The following MLIP variants were observed in gnomAD, a reference collection of about 807,000 sequenced individuals.
The protein encoded by MLIP is muscular LMNA-interacting protein.
MLIP carries 79 observed loss-of-function variants against 84.8 expected under a neutral mutation model. The observed-to-expected ratio is 0.93, with a 90% confidence interval of 0.78 to 1.12. The LOEUF is 1.12. Among genes scored for constraint, MLIP ranks in the 50% most tolerant of loss-of-function variants. The pLI is 0.00. For missense variants in MLIP, 1,257 were observed against 1,160.6 expected (o/e 1.08, Z -1.21); for synonymous variants, 504 against 463.0 (o/e 1.09, Z -1.14).
chr6:54,251,865 A>G (rs1210166852), intron 12 of MLIP, among the ~76,000 whole-genome samples: 36 of 84,564 alleles, frequency 4.3e-4, no homozygotes, highest in Non-Finnish European at 5.7e-4. Flanking sequence ...ATATAAATAT[A>G]TATTATAACA....
intron 9 of MLIP, among the ~76,000 whole-genome samples, chr6:54,170,470 T>G (rs1288011264): frequency 6.6e-6 from 1 of 151,624 alleles, no homozygotes; most frequent in African/African-American, 2.4e-5. Flanking sequence ...TTAGAGGATG[T>G]GGGTAGGAAC....
chr6:54,044,160 G>A (rs1250472009), intron 1 of MLIP, among the ~76,000 whole-genome samples: 1 of 152,122 alleles, frequency 6.6e-6, no homozygotes, highest in East Asian at 1.9e-4. Flanking sequence ...GTAAACAGTC[G>A]GGTCATCTAA....
intron 4 of MLIP, among the ~76,000 whole-genome samples, chr6:54,139,583 C>T (rs1772116618): frequency 6.6e-6 from 1 of 152,072 alleles, no homozygotes; most frequent in Non-Finnish European, 1.5e-5. Context: ...AGGAACTATG[C>T]TAGTATACAA....
chr6:54,124,901 A>G (rs1430078674), intron 3 of MLIP, 36 bp downstream of exon 3: 1 of 1,522,140 alleles, frequency 6.6e-7, no homozygotes, highest in Non-Finnish European at 8.8e-7. Context: ...TAAGGAAAAA[A>G]AAAGCGTTTA....
intron 1 of MLIP, among the ~76,000 whole-genome samples, chr6:54,042,737 T>C (rs1378110112): frequency 1.3e-5 from 2 of 152,114 alleles, no homozygotes; most frequent in Non-Finnish European, 2.9e-5. Flanking sequence ...ACCTAATCTC[T>C]CCCTCAGTTT....
intron 11 of MLIP, among the ~76,000 whole-genome samples, chr6:54,223,832 G>T (rs1780388679): frequency 6.6e-6 from 1 of 151,818 alleles, no homozygotes; most frequent in Non-Finnish European, 1.5e-5. Flanking sequence ...CGAAAAAATA[G>T]AAAATAAAAT....
intron 11 of MLIP, among the ~76,000 whole-genome samples, chr6:54,212,831 A>G (rs143383052): frequency 2.5e-4 from 38 of 152,360 alleles, no homozygotes; most frequent in African/African-American, 8.4e-4. Flanking sequence ...ACACACACAT[A>G]CATATTTAGT....
In MLIP at chr6:54,121,564, G is replaced by T. The variant is rs1313869052; in HGVS notation, c.214G>T (p.Glu72Ter). The change falls in exon 2 of 14, where the codon GAA (glutamate) becomes TAA (stop). Residue 72 changes from glutamate (E) to a stop codon, truncating the protein, a stop_gained. Coordinates refer to ENST00000502396, the MANE Select transcript of MLIP (RefSeq NM_001281747.2). LOFTEE classifies it high-confidence loss of function. ...DTSKFLVKIP[E>*]ESSDKSPETV... ...CTCTAAATTCCTTGTTAAAATTCCA[G>T]AAGAATCAAGTGATAAGAGTCCAGA... 7.4e-6 allele frequency: 12 copies of T among 1,613,562 alleles called. No individual in the cohort carries two copies. Among genetic ancestry groups the T allele is most frequent in the Non-Finnish European group, 1.0e-5 (12 of 1,179,616 alleles).
chr6:54,213,734 A>AAAAAAAAAAAAAACAAAAAAC (rs368508685), intron 11 of MLIP, among the ~76,000 whole-genome samples: 1 of 82,372 alleles, frequency 1.2e-5, no homozygotes, highest in African/African-American at 4.5e-5. Context: ...AAAAAAAAAA[A>AAAAAAAAAAAAAACAAAAAAC]AACAACAAAC....
At chr6:54,227,696 A>G (rs7753902) in intron 11 of MLIP, among the ~76,000 whole-genome samples, 4,725 of 152,292 alleles carry the variant, frequency 0.031, 218 homozygotes, top group African/African-American at 0.11. Flanking sequence ...TACTTTCAAA[A>G]TTCTGAAAGA....
intron 12 of MLIP, among the ~76,000 whole-genome samples, chr6:54,256,267 G>A (rs1385265916): frequency 1.3e-5 from 2 of 152,160 alleles, no homozygotes; most frequent in African/African-American, 2.4e-5. Context: ...GAAATGTCAG[G>A]TGGAGACCTC....
In MLIP at chr6:54,137,896, A is replaced by G; in HGVS notation, c.1827A>G (p.Lys609=). 1 of 1,536,088 alleles carries G rather than the reference A, an allele frequency of 6.5e-7. No homozygotes were observed. Among genetic ancestry groups the G allele is most frequent in the Non-Finnish European group, 8.7e-7 (1 of 1,146,898 alleles). ...NQRATFSSSE[K]CFHPSPALSS... is the part of the protein sequence containing the mutation. ...GAGCTACGTTCTCTTCTTCAGAGAA[A>G]TGTTTCCATCCTTCCCCAGCTCTTT... Residue 609 remains lysine (K), a synonymous_variant, in exon 4 of 14, where the codon AAA becomes AAG. Transcript: ENST00000502396.
At chr6:54,149,207 G>A (rs910086620) in intron 5 of MLIP, 80 bp downstream of exon 5, 20 of 1,304,912 alleles carry the variant, frequency 1.5e-5, no homozygotes, top group Non-Finnish European at 2.1e-5. Flanking sequence ...CTGTTGGGAA[G>A]ATTTCTGTTT....
intron 1 of MLIP, among the ~76,000 whole-genome samples, chr6:54,057,520 G>A (rs182831876): frequency 2.0e-5 from 3 of 152,254 alleles, no homozygotes; most frequent in African/African-American, 7.2e-5. Context: ...GTTGCTTTTT[G>A]TTGTAGCAGA....
intron 9 of MLIP, among the ~76,000 whole-genome samples, chr6:54,170,112 CAT>C (rs1371717288): frequency 6.6e-6 from 1 of 151,584 alleles, no homozygotes; most frequent in African/African-American, 2.4e-5. Context: ...GTGTGTTAGA[CAT>C]AAACCTGCAT....
chr6:54,158,451 T>C (rs1774274305), intron 5 of MLIP, among the ~76,000 whole-genome samples: 1 of 152,132 alleles, frequency 6.6e-6, no homozygotes, highest in Non-Finnish European at 1.5e-5. Flanking sequence ...TGGTAACCTC[T>C]TTTGTAACTG....
intron 11 of MLIP, among the ~76,000 whole-genome samples, chr6:54,212,217 A>G (rs1289621327): frequency 1.3e-5 from 2 of 152,328 alleles, no homozygotes; most frequent in Non-Finnish European, 1.5e-5. Context: ...AAAGAGTCAG[A>G]TGGTTTATAT....
At chr6:54,089,289 C>G (rs917375008) in intron 1 of MLIP, among the ~76,000 whole-genome samples, 1 of 151,986 alleles carries the variant, frequency 6.6e-6, no homozygotes, top group Non-Finnish European at 1.5e-5. Flanking sequence ...GGCTAAAATA[C>G]CTATTTTCAG....
chr6:54,179,316 AG>A (rs1156743464), intron 9 of MLIP, among the ~76,000 whole-genome samples: 11 of 152,062 alleles, frequency 7.2e-5, no homozygotes, highest in Admixed American at 5.9e-4. Context: ...TGTTTCCTGT[AG>A]GCAACAGGTG....
Sources: allele counts gnomAD v4.1 joint callset (sites outside exome capture counted in the v4.1 genomes callset), GRCh38; gene constraint gnomAD v4.1.1; transcripts MANE v1.5; gene names NCBI Gene and HGNC (gene_info 2026-07-23, HGNC 2026-07-21).